The following MIA2 variants were observed in gnomAD, a reference collection of about 807,000 sequenced individuals.
MIA2 encodes MIA SH3 domain ER export factor 2, also known as melanoma inhibitory activity protein 2.
A neutral mutation model predicts 167.8 loss-of-function variants in MIA2; 127 were observed. The ratio of observed to expected loss-of-function variants is 0.76; its 90% confidence interval spans 0.66 to 0.88. The LOEUF (loss-of-function observed/expected upper bound fraction) is 0.88, where lower values mean the gene tolerates loss of function less well. MIA2 is among the 40% of genes least tolerant of loss of function. The probability of loss-of-function intolerance (pLI) is 0.00; values close to 1 mark genes in which losing one functional copy is unlikely to be tolerated. For missense variants in MIA2, 1,690 were observed against 1,624.7 expected (o/e 1.04, Z -0.69); for synonymous variants, 552 against 541.9 (o/e 1.02, Z -0.26).
chr14:39,341,174 C>T (rs1007786888), intron 25 of MIA2, among the ~76,000 whole-genome samples: 9 of 152,064 alleles, frequency 5.9e-5, no homozygotes, highest in East Asian at 1.9e-4. Context: ...TGGTGGCACG[C>T]GCCTGTAGTC....
At chr14:39,353,778 T>C (rs1292753866), downstream of MIA2, among the ~76,000 whole-genome samples, 1 of 152,172 alleles carries the variant, frequency 6.6e-6, no homozygotes, top group Non-Finnish European at 1.5e-5. Context: ...AGTGTTCTCA[T>C]TGTTCAATTC....
intron 23 of MIA2, among the ~76,000 whole-genome samples, chr14:39,366,068 T>C (rs1398536800): frequency 6.6e-6 from 1 of 152,144 alleles, no homozygotes; most frequent in African/African-American, 2.4e-5. Context: ...GTGTAGTCTC[T>C]ATGCAGTTTC....
At chr14:39,350,075 C>G in intron 28 of MIA2, 23 bp from the exon 29 acceptor site, 6 of 1,026,096 alleles carry the variant, frequency 5.8e-6, no homozygotes, top group Non-Finnish European at 8.6e-6. Context: ...TAAAAAATGT[C>G]TTTTACCAAT....
At chr14:39,386,238 T>A in intron 23 of MIA2, 1 of 1,423,070 alleles carries the variant, frequency 7.0e-7, no homozygotes, top group Non-Finnish European at 9.9e-7. Context: ...GTTGTATTTT[T>A]GGTAGAGGGT....
chr14:39,247,095 T>A lies in MIA2; in HGVS notation c.521T>A (p.Phe174Tyr), dbSNP rs1246054168. 6.2e-7 allele frequency: 1 copy of A among 1,608,722 alleles called. No individual in the cohort carries two copies. Among genetic ancestry groups the A allele is most frequent in the South Asian group, 1.1e-5 (1 of 89,506 alleles). Residue 174 changes from phenylalanine (F) to tyrosine (Y), a missense_variant, in exon 4 of 29, where the codon TTT (phenylalanine) becomes TAT (tyrosine). By Grantham distance (22) the Phe-to-Tyr change is conservative. Transcript: ENST00000640607. ...GFYATYESTLFEDQVPALEAP... is the reference protein window; with the variant it reads ...GFYATYESTLYEDQVPALEAP... ...TATGCAACTTATGAAAGTACTTTGT[T>A]TGAAGACCAAGTTCCAGCATTAGAG...
chr14:39,344,121 T>A (rs557239662), intron 25 of MIA2, among the ~76,000 whole-genome samples: 8 of 152,360 alleles, frequency 5.3e-5, no homozygotes, highest in Non-Finnish European at 1.0e-4. Flanking sequence ...TGGTAAGATT[T>A]AAGGAATGAA....
intron 6 of MIA2, chr14:39,265,449 A>C (rs1272483368): frequency 6.3e-7 from 1 of 1,581,626 alleles, no homozygotes; most frequent in African/African-American, 1.4e-5. Context: ...AAGCATACTG[A>C]AACAAATGAG....
Position 39,237,059 on chromosome 14 carries a change from A to C in MIA2, c.249+4A>C. 3 of 1,610,022 alleles carry C rather than the reference A, an allele frequency of 1.9e-6. No individual in the cohort carries two copies. Among genetic ancestry groups the C allele is most frequent in the Non-Finnish European group, 1.7e-6 (2 of 1,179,080 alleles). On this transcript the variant is annotated splice_donor_region_variant and intron_variant, in intron 2 of 28. Coordinates refer to ENST00000640607, the MANE Select transcript of MIA2 (RefSeq NM_001329214.4). ...GGAAGATTTGTGGGCAGGAAGTGTAAGTAACTACTTTTAAAAATTGAATGC... is the reference window on the plus strand; with the variant it reads ...GGAAGATTTGTGGGCAGGAAGTGTACGTAACTACTTTTAAAAATTGAATGC...
At chr14:39,287,587 T>A (rs553441228) in intron 9 of MIA2, among the ~76,000 whole-genome samples, 3 of 152,168 alleles carry the variant, frequency 2.0e-5, no homozygotes, top group Admixed American at 6.5e-5. Flanking sequence ...TTTTTTGAGA[T>A]GAAGTCTTGC....
chr14:39,294,340 G>A lies in MIA2; in HGVS notation c.2391+269G>A, dbSNP rs141908595. ...AGCCTCCTGAATAGCTGGGATTACA[G>A]GCATGTGCCACCACACCCGGCTAAG... On this transcript the variant is annotated intron_variant, in intron 12 of 28. Transcript: ENST00000640607. Among the ~76,000 whole-genome samples, 91 of 152,232 alleles carry A rather than the reference G, an allele frequency of 6.0e-4. 1 individual carries two copies. In the East Asian group the frequency reaches 0.015, roughly 25 times the overall value.
chr14:39,341,908 A>G (rs1344519727), intron 25 of MIA2, among the ~76,000 whole-genome samples: 1 of 152,214 alleles, frequency 6.6e-6, no homozygotes, highest in Admixed American at 6.5e-5. Context: ...CCTTTTATTA[A>G]TCATTCTAAC....
chr14:39,237,440 T>G (rs1319673843), intron 2 of MIA2, among the ~76,000 whole-genome samples: 1 of 152,140 alleles, frequency 6.6e-6, no homozygotes, highest in Admixed American at 6.5e-5. Flanking sequence ...GGATACCTGC[T>G]TTTCATCTTT....
intron 4 of MIA2, among the ~76,000 whole-genome samples, chr14:39,249,396 C>T (rs2054458655): frequency 6.6e-6 from 1 of 151,868 alleles, no homozygotes; most frequent in Non-Finnish European, 1.5e-5. Flanking sequence ...CCCACTTCAG[C>T]CTCTCAAAGT....
At chr14:39,267,355 G>A in intron 6 of MIA2, 2 of 1,579,524 alleles carry the variant, frequency 1.3e-6, no homozygotes, top group Non-Finnish European at 8.6e-7. Context: ...CCGGTTGCCG[G>A]GTGCGGATTC....
intron 6 of MIA2, among the ~76,000 whole-genome samples, chr14:39,257,862 T>C (rs2054892762): frequency 6.6e-6 from 1 of 152,252 alleles, no homozygotes; most frequent in Non-Finnish European, 1.5e-5. Context: ...TGGCTGGATA[T>C]GAAATTCTGG....
At chr14:39,357,921 A>C (rs560632008) in intron 23 of MIA2, among the ~76,000 whole-genome samples, 184 of 152,328 alleles carry the variant, frequency 1.2e-3, no homozygotes, top group African/African-American at 4.3e-3. Context: ...CCGAGAGATC[A>C]GCTGTTAGTC....
chr14:39,277,666 G>T (rs2058207410), intron 7 of MIA2, among the ~76,000 whole-genome samples: 1 of 105,734 alleles, frequency 9.5e-6, no homozygotes, highest in African/African-American at 3.7e-5. Flanking sequence ...TTTAATGTAA[G>T]ATCTTTTATA....
At chr14:39,309,438 C>T (rs1156955169) in intron 18 of MIA2, among the ~76,000 whole-genome samples, 1 of 152,194 alleles carries the variant, frequency 6.6e-6, no homozygotes, top group Non-Finnish European at 1.5e-5. Context: ...CCATCCAGCA[C>T]TGGCCTTTTT....
At chr14:39,274,431 C>CTTTTT (rs547198743) in intron 6 of MIA2, among the ~76,000 whole-genome samples, 1 of 136,986 alleles carries the variant, frequency 7.3e-6, no homozygotes, top group Admixed American at 7.3e-5. Context: ...TTCTTTTTTT[C>CTTTTT]TTTTTTTTTT....
Sources: allele counts gnomAD v4.1 joint callset (sites outside exome capture counted in the v4.1 genomes callset), GRCh38; gene constraint gnomAD v4.1.1; transcripts MANE v1.5; gene names NCBI Gene and HGNC (gene_info 2026-07-23, HGNC 2026-07-21).